TMTC1: variants seen among roughly 807,000 people sequenced by gnomAD.
The protein encoded by TMTC1 is protein O-mannosyl-transferase TMTC1.
In TMTC1, 73 loss-of-function variants were observed where a neutral mutation model predicts 104.8. That is an observed-to-expected ratio of 0.70 (90% CI 0.58 to 0.85). The LOEUF (loss-of-function observed/expected upper bound fraction) is 0.85. Ranked by LOEUF, TMTC1 falls within the 40% of genes least tolerant of loss-of-function variation. TMTC1 has a pLI of 0.00. For synonymous variants in TMTC1, 434 were observed against 428.7 expected, an observed-to-expected ratio of 1.01 and a Z score of -0.15; for missense variants, 1,035 against 1,096.1, an observed-to-expected ratio of 0.94 and a Z score of 0.79.
Position 29,692,476 on chromosome 12 carries a change from A to G in TMTC1, c.939-59140T>C, listed in dbSNP as rs1184949590. On this transcript the variant is annotated intron_variant, in intron 5 of 17. Coordinates refer to ENST00000539277, the MANE Select transcript of TMTC1 (RefSeq NM_001193451.2). ...CCACTTCCCACGCACTAGAGTGGCC[A>G]TAATCAAAGAGGTAGACAATAAGGA... Among the ~76,000 whole-genome samples the G allele has an allele frequency of 1.4e-5, 2 of 145,066 alleles. 1 individual carries two copies. The highest frequency in any genetic ancestry group is 3.0e-5 in the Non-Finnish European group (2 of 66,208).
At chr12:29,640,293 G>A (rs143592202) in intron 5 of TMTC1, among the ~76,000 whole-genome samples, 2 of 152,116 alleles carry the variant, frequency 1.3e-5, no homozygotes, top group South Asian at 2.1e-4. Context: ...GTGAGATCAC[G>A]GCAGACAGGA....
At chr12:29,673,744 CTTTTTTTTTTTT>C (rs146463669) in intron 5 of TMTC1, among the ~76,000 whole-genome samples, 1 of 95,734 alleles carries the variant, frequency 1.0e-5, no homozygotes, top group Non-Finnish European at 1.9e-5. Flanking sequence ...AGAGGGACTT[CTTTTTTTTTTTT>C]TTTTTTTTTT....
chr12:29,593,957 G>A (rs975573370), intron 7 of TMTC1, among the ~76,000 whole-genome samples: 3 of 152,166 alleles, frequency 2.0e-5, no homozygotes, highest in African/African-American at 7.2e-5. Flanking sequence ...GGAAACAAAG[G>A]TGAACTTAAA....
intron 5 of TMTC1, among the ~76,000 whole-genome samples, chr12:29,699,142 T>C (rs1445468830): frequency 2.0e-5 from 3 of 152,284 alleles, no homozygotes; most frequent in East Asian, 3.9e-4. Context: ...AGGGAGGAAC[T>C]AGGTTTGTGA....
At position 29,501,832 on chromosome 12, in the gene TMTC1, AATTG is replaced by A. The variant is rs1451317994; in HGVS notation, c.*5010_*5013del. The A allele has an allele frequency of 6.6e-6, 1 of 152,150 alleles. No homozygotes were observed. Among genetic ancestry groups the A allele is most frequent in the Non-Finnish European group, 1.5e-5 (1 of 68,028 alleles). The allele number at this position is 152,150 out of a possible 1,614,324, so 9.4% of individuals were successfully genotyped here. On this transcript the variant is annotated 3_prime_UTR_variant, in exon 18 of 18. Coordinates refer to ENST00000539277, the MANE Select transcript of TMTC1 (RefSeq NM_001193451.2). ...TAAAATCAATATTTTAATATCAGCC[AATTG>A]ATTGTTATAAAGATCTTATCAATTC...
chr12:29,641,541 G>A (rs559642339), intron 5 of TMTC1, among the ~76,000 whole-genome samples: 1 of 152,270 alleles, frequency 6.6e-6, no homozygotes, highest in African/African-American at 2.4e-5. Context: ...GGAAATGGGG[G>A]AGAGTACTTC....
chr12:29,639,780 T>A (rs1591841262), intron 5 of TMTC1, among the ~76,000 whole-genome samples: 1 of 152,266 alleles, frequency 6.6e-6, no homozygotes, highest in Non-Finnish European at 1.5e-5. Context: ...ATCCATGTGA[T>A]GGAAATCAAT....
intron 10 of TMTC1, among the ~76,000 whole-genome samples, chr12:29,542,798 C>A (rs1295214292): frequency 6.6e-6 from 1 of 152,058 alleles, no homozygotes; most frequent in African/African-American, 2.4e-5. Flanking sequence ...ATGAAAGATA[C>A]TCCTGGATAC....
intron 5 of TMTC1, among the ~76,000 whole-genome samples, chr12:29,712,456 T>A (rs1941955883): frequency 6.6e-6 from 1 of 152,238 alleles, no homozygotes; most frequent in Non-Finnish European, 1.5e-5. Context: ...TGTAAGTGTA[T>A]GATATCTAAG....
In TMTC1 at chr12:29,505,788, C is replaced by T. The variant is rs1040319474; in HGVS notation, c.*1058G>A. 2.6e-5 allele frequency: 4 copies of T among 151,970 alleles called. No homozygotes were observed. The highest frequency in any genetic ancestry group is 9.6e-5 in the African/African-American group (4 of 41,482). The allele number at this position is 151,970 out of a possible 1,614,324, so 9.4% of individuals were successfully genotyped here. Reference sequence around the variant, plus strand: ...AAAACAAAGAATTCTGGGTATTAATCGTTGATGTTCTAAGCCCAGAATTCT... The same window carrying T: ...AAAACAAAGAATTCTGGGTATTAATTGTTGATGTTCTAAGCCCAGAATTCT... On this transcript the variant is annotated 3_prime_UTR_variant, in exon 18 of 18. Coordinates refer to ENST00000539277, the MANE Select transcript of TMTC1 (RefSeq NM_001193451.2).
intron 5 of TMTC1, among the ~76,000 whole-genome samples, chr12:29,702,459 G>A (rs2136803280): frequency 6.6e-6 from 1 of 152,276 alleles, no homozygotes; most frequent in East Asian, 1.9e-4. Flanking sequence ...CTGTTCACCG[G>A]AGGTTTCCCT....
chr12:29,514,907 G>A (rs537473247), intron 15 of TMTC1, among the ~76,000 whole-genome samples: 1 of 152,100 alleles, frequency 6.6e-6, no homozygotes, highest in South Asian at 2.1e-4. Flanking sequence ...CCGGCTACTG[G>A]GGGGGCTGAG....
At position 29,769,776 on chromosome 12, in the gene TMTC1, AG is replaced by A. The variant is rs1943554181; in HGVS notation, c.303-1702del. Among the ~76,000 whole-genome samples the A allele has an allele frequency of 2.0e-5, 3 of 152,350 alleles. No individual in the cohort carries two copies. In the South Asian group the frequency reaches 6.2e-4, roughly 32 times the overall value. On this transcript the variant is annotated intron_variant, in intron 1 of 17. Transcript: ENST00000539277. Reference sequence around the variant, plus strand: ...ACAGGCAATCTCACATCTGATCGGTAGGTGTCCAAGTTGGAAGGTCTCTTGG... The same window carrying A: ...ACAGGCAATCTCACATCTGATCGGTAGTGTCCAAGTTGGAAGGTCTCTTGG...
At chr12:29,585,922 GCT>G (rs1384896651) in intron 7 of TMTC1, among the ~76,000 whole-genome samples, 2 of 152,126 alleles carry the variant, frequency 1.3e-5, no homozygotes, top group Non-Finnish European at 2.9e-5. Context: ...GGAAATGTGG[GCT>G]CTTTTTTGGT....
intron 5 of TMTC1, among the ~76,000 whole-genome samples, chr12:29,698,126 G>C (rs1941478634): frequency 1.3e-5 from 2 of 152,168 alleles, no homozygotes; most frequent in African/African-American, 4.8e-5. Context: ...ATTGCCTTTT[G>C]TCCCTTCCCT....
intron 5 of TMTC1, among the ~76,000 whole-genome samples, chr12:29,639,075 T>C (rs1591840379): frequency 6.6e-6 from 1 of 152,348 alleles, no homozygotes; most frequent in East Asian, 1.9e-4. Context: ...GAAACTTCAC[T>C]TGAATTCATT....
At chr12:29,599,938 ATGTG>A (rs1287740480) in intron 7 of TMTC1, among the ~76,000 whole-genome samples, 7 of 147,252 alleles carry the variant, frequency 4.8e-5, no homozygotes, top group Non-Finnish European at 1.0e-4. Flanking sequence ...GTGTATATAT[ATGTG>A]TGTGTATATA....
At chr12:29,764,665 A>T (rs1016527260) in intron 2 of TMTC1, among the ~76,000 whole-genome samples, 1 of 152,172 alleles carries the variant, frequency 6.6e-6, no homozygotes, top group African/African-American at 2.4e-5. Context: ...TTTGTAGGCT[A>T]AATTTCTCTG....
Position 29,693,350 on chromosome 12 carries a change from ATCTTT to A in TMTC1, c.938+58311_938+58315del, listed in dbSNP as rs1941320467. Among the ~76,000 whole-genome samples the A allele has an allele frequency of 1.4e-5, 2 of 144,856 alleles. 1 individual carries two copies. The highest frequency in any genetic ancestry group is 3.0e-5 in the Non-Finnish European group (2 of 66,132). ...AGCATATCCATCATCTCAAACATTT[ATCTTT>A]TCTTTGTGTTGGGTAGATTGAAAAT... On this transcript the variant is annotated intron_variant, in intron 5 of 17. Coordinates refer to ENST00000539277, the MANE Select transcript of TMTC1 (RefSeq NM_001193451.2).
Sources: gnomAD v4.1 joint callset for allele counts (sites outside exome capture counted in the v4.1 genomes callset) on GRCh38, gnomAD v4.1.1 for gene constraint, MANE v1.5 for transcripts, NCBI Gene and HGNC (gene_info 2026-07-23, HGNC 2026-07-21) for gene names.